The following CEP112 variants were observed in gnomAD, a reference collection of about 807,000 sequenced individuals.
CEP112 encodes the protein centrosomal protein of 112 kDa.
A neutral mutation model predicts 153.0 loss-of-function variants in CEP112; 127 were observed. The ratio of observed to expected loss-of-function variants is 0.83; its 90% CI spans 0.72 to 0.96. CEP112 has a LOEUF of 0.96. Ranked by LOEUF, CEP112 falls within the 40% of genes least tolerant of loss-of-function variation. The pLI is 0.00. For synonymous variants in CEP112, 358 were observed against 374.4 expected (o/e 0.96, Z 0.51); for missense variants, 1,089 against 1,101.2 (o/e 0.99, Z 0.16).
intron 21 of CEP112, among the ~76,000 whole-genome samples, chr17:65,760,136 C>T (rs1209927631): frequency 3.3e-5 from 5 of 152,156 alleles, no homozygotes; most frequent in Non-Finnish European, 4.4e-5. Flanking sequence ...TTGCTATAAT[C>T]ACTTATCAGT....
rs184258436 is a variant in CEP112, at chr17:65,655,280, T to C, written c.2698-14215A>G. ...TATGGTGCAGACTGCCTTTGTTGGG[T>C]GCAGGCTGAGCGACCGCAGCCTCAG... On this transcript the variant is annotated intron_variant, in intron 24 of 26. Coordinates refer to ENST00000535342, the MANE Select transcript of CEP112 (RefSeq NM_001199165.4). 2.4e-6 allele frequency: 3 copies of C among 1,257,282 alleles called. No homozygotes were observed. In the East Asian group the frequency reaches 7.0e-5, roughly 29 times the overall value. The allele number at this position is 1,257,282 out of a possible 1,614,324, so 77.9% of individuals were successfully genotyped here.
chr17:65,861,909 C>G (rs1297349773), intron 20 of CEP112, among the ~76,000 whole-genome samples: 1 of 152,182 alleles, frequency 6.6e-6, no homozygotes, highest in Non-Finnish European at 1.5e-5. Context: ...CAGGCACATG[C>G]CCAATAATGT....
intron 6 of CEP112, among the ~76,000 whole-genome samples, chr17:66,118,572 G>A (rs1598386989): frequency 6.6e-6 from 1 of 152,204 alleles, no homozygotes; most frequent in East Asian, 1.9e-4. Context: ...AGGGGTAGTG[G>A]GGAGTGAGGG....
chr17:65,901,769 G>A (rs954945970), intron 20 of CEP112, among the ~76,000 whole-genome samples: 4 of 151,920 alleles, frequency 2.6e-5, no homozygotes, highest in Non-Finnish European at 5.9e-5. Flanking sequence ...ATTACCTACA[G>A]AGATTAAAAC....
intron 20 of CEP112, among the ~76,000 whole-genome samples, chr17:65,896,985 C>T (rs1478283585): frequency 6.6e-6 from 1 of 152,038 alleles, no homozygotes; most frequent in South Asian, 2.1e-4. Context: ...AAACTTTGTA[C>T]ATTGCAGTAA....
chr17:66,076,199 C>T (rs1598300058), intron 8 of CEP112, among the ~76,000 whole-genome samples: 2 of 152,134 alleles, frequency 1.3e-5, no homozygotes, highest in East Asian at 3.9e-4. Context: ...GGCGAGAAGG[C>T]TCTGGGCCAG....
intron 4 of CEP112, among the ~76,000 whole-genome samples, chr17:66,172,390 T>C (rs1400643422): frequency 6.6e-6 from 1 of 152,194 alleles, no homozygotes; most frequent in Non-Finnish European, 1.5e-5. Context: ...TTTTTCACGT[T>C]GCAATCTCTG....
intron 24 of CEP112, among the ~76,000 whole-genome samples, chr17:65,658,132 T>A (rs550627279): frequency 6.6e-6 from 1 of 152,376 alleles, no homozygotes. Context: ...ACAGACATTA[T>A]CTACTCACTC....
intron 18 of CEP112, among the ~76,000 whole-genome samples, chr17:65,948,195 C>T (rs1057009785): frequency 5.9e-5 from 9 of 152,180 alleles, no homozygotes; most frequent in Admixed American, 6.5e-5. Flanking sequence ...AAACCTCACT[C>T]GTCAACACCA....
intron 21 of CEP112, among the ~76,000 whole-genome samples, chr17:65,769,738 A>G (rs987929): frequency 0.48 from 72,563 of 151,506 alleles, 19,014 homozygotes; most frequent in East Asian, 0.78. Context: ...TTGGACCCTT[A>G]TCTTACGCCA....
chr17:65,949,107 AT>A lies in CEP112; in HGVS notation c.1872+12355del, dbSNP rs201926067. ...AGAATTTGAGTTATATCAGATTCACATTTTTTTAATCAACTGATAATCTGTA... is the reference window on the plus strand; with the variant it reads ...AGAATTTGAGTTATATCAGATTCACATTTTTTAATCAACTGATAATCTGTA... On this transcript the variant is annotated intron_variant, in intron 18 of 26. Coordinates refer to ENST00000535342, the MANE Select transcript of CEP112 (RefSeq NM_001199165.4). Among the ~76,000 whole-genome samples the A allele has an allele frequency of 5.6e-3, 848 of 152,304 alleles. 19 individuals are homozygous for A. The highest frequency in any genetic ancestry group is 0.035 in the Admixed American group (536 of 15,292).
In CEP112 at chr17:65,737,515, T is replaced by C. The variant is rs557288441; in HGVS notation, c.2607+5553A>G. ...GGCTGGCTACCTCTGAGGAAAGGACTTCAGAGATGTACACCAAATTGGGAT... is the reference window on the plus strand; with the variant it reads ...GGCTGGCTACCTCTGAGGAAAGGACCTCAGAGATGTACACCAAATTGGGAT... On this transcript the variant is annotated intron_variant, in intron 23 of 26. Transcript: ENST00000535342. Among the ~76,000 whole-genome samples, 3 of 152,296 alleles carry C rather than the reference T, an allele frequency of 2.0e-5. No homozygotes were observed. In the East Asian group the frequency reaches 5.8e-4, roughly 29 times the overall value.
At chr17:65,639,745 G>C (rs2143273980) in intron 25 of CEP112, among the ~76,000 whole-genome samples, 1 of 149,950 alleles carries the variant, frequency 6.7e-6, no homozygotes, top group African/African-American at 2.4e-5. Context: ...TCTTTCTCAT[G>C]ATACCAACAA....
intron 23 of CEP112, among the ~76,000 whole-genome samples, chr17:65,733,013 C>T (rs1317221969): frequency 5.3e-5 from 8 of 152,232 alleles, no homozygotes. Context: ...AGAGGCCTAG[C>T]TTTGGGCCTG....
At chr17:65,817,716 A>C (rs1334055184) in intron 21 of CEP112, among the ~76,000 whole-genome samples, 1 of 151,896 alleles carries the variant, frequency 6.6e-6, no homozygotes, top group African/African-American at 2.4e-5. Context: ...CCTTGGCCAT[A>C]TGAGGCATAT....
At chr17:66,111,673 C>G (rs2146379888) in intron 6 of CEP112, among the ~76,000 whole-genome samples, 1 of 151,926 alleles carries the variant, frequency 6.6e-6, no homozygotes, top group East Asian at 1.9e-4. Flanking sequence ...CATAAGAACA[C>G]TGAGAAAGAA....
chr17:65,899,292 T>C (rs1416951076), intron 20 of CEP112, among the ~76,000 whole-genome samples: 2 of 152,176 alleles, frequency 1.3e-5, no homozygotes, highest in African/African-American at 4.8e-5. Flanking sequence ...GAACATCTTG[T>C]ATGATGGTGG....
At chr17:65,646,555 C>T (rs550214095) in intron 24 of CEP112, among the ~76,000 whole-genome samples, 2 of 152,322 alleles carry the variant, frequency 1.3e-5, no homozygotes, top group South Asian at 4.1e-4. Context: ...CCAGGTGTGA[C>T]TCTCCATGTT....
intron 19 of CEP112, among the ~76,000 whole-genome samples, chr17:65,911,423 A>T (rs1159582683): frequency 6.6e-6 from 1 of 152,226 alleles, no homozygotes; most frequent in Non-Finnish European, 1.5e-5. Context: ...ATGCCCTCAA[A>T]ATTGAACCAC....
Sources: gnomAD v4.1 joint callset for allele counts (sites outside exome capture counted in the v4.1 genomes callset) on GRCh38, gnomAD v4.1.1 for gene constraint, MANE v1.5 for transcripts, NCBI Gene and HGNC (gene_info 2026-07-23, HGNC 2026-07-21) for gene names.